PCDHGA1: variants seen among roughly 807,000 people sequenced by gnomAD.
The protein encoded by PCDHGA1 is protocadherin gamma subfamily A, 1.
In PCDHGA1, 32 loss-of-function variants were observed where a neutral mutation model predicts 58.0. The ratio of observed to expected loss-of-function variants is 0.55; its 90% CI spans 0.42 to 0.74. The LOEUF (loss-of-function observed/expected upper bound fraction) is 0.74. PCDHGA1 is among the 30% of genes least tolerant of loss of function. The probability of loss-of-function intolerance (pLI) is 0.00; values close to 1 mark genes in which losing one functional copy is unlikely to be tolerated. For missense variants in PCDHGA1, 1,205 were observed against 1,182.3 expected, an observed-to-expected ratio of 1.02 and a Z score of -0.28; for synonymous variants, 498 against 501.1, an observed-to-expected ratio of 0.99 and a Z score of 0.08.
intron 1 of PCDHGA1, among the ~76,000 whole-genome samples, chr5:141,436,243 TA>T (rs1428637183): frequency 6.6e-6 from 1 of 152,154 alleles, no homozygotes; most frequent in Non-Finnish European, 1.5e-5. Context: ...TAACATGGTC[TA>T]ATTATTCTGA....
chr5:141,508,725 G>C (rs1447443196), intron 3 of PCDHGA1, among the ~76,000 whole-genome samples: 1 of 151,788 alleles, frequency 6.6e-6, no homozygotes, highest in Non-Finnish European at 1.5e-5. Flanking sequence ...TGTGCAGGGA[G>C]ACTACACCCC....
chr5:141,418,988 G>A, intron 1 of PCDHGA1: 1 of 1,613,946 alleles, frequency 6.2e-7, no homozygotes, highest in Non-Finnish European at 8.5e-7. Context: ...CCAAGACTCA[G>A]GGGAAAATGG....
intron 1 of PCDHGA1, chr5:141,365,468 G>A: frequency 6.2e-7 from 1 of 1,613,972 alleles, no homozygotes; most frequent in Non-Finnish European, 8.5e-7. Flanking sequence ...TGGAGAAAAT[G>A]GTGAGATTGC....
intron 1 of PCDHGA1, among the ~76,000 whole-genome samples, chr5:141,347,445 A>C (rs1757967957): frequency 1.3e-5 from 2 of 152,042 alleles, no homozygotes; most frequent in Admixed American, 1.3e-4. Context: ...ATGAGCCACC[A>C]TGCCTGGCCT....
At chr5:141,403,655 A>T (rs1262068795) in intron 1 of PCDHGA1, 6 of 1,613,798 alleles carry the variant, frequency 3.7e-6, no homozygotes, top group Non-Finnish European at 4.2e-6. Context: ...AGTGTTGGAT[A>T]CAAATGATAA....
At chr5:141,388,569 C>T (rs368780854) in intron 1 of PCDHGA1, 7 of 1,613,862 alleles carry the variant, frequency 4.3e-6, no homozygotes, top group African/African-American at 1.3e-5. Context: ...TGCACAGATA[C>T]ACGTTCTAGT....
chr5:141,389,361 G>T (rs1460945767), intron 1 of PCDHGA1: 1 of 1,613,880 alleles, frequency 6.2e-7, no homozygotes, highest in South Asian at 1.1e-5. Context: ...CATGGCCAGT[G>T]ACCTGGAGCA....
intron 1 of PCDHGA1, chr5:141,433,123 C>G (rs575738328): frequency 3.7e-6 from 6 of 1,614,116 alleles, no homozygotes; most frequent in Non-Finnish European, 5.1e-6. Context: ...TTGAAAAAAG[C>G]GAGCCCCTTT....
intron 1 of PCDHGA1, chr5:141,414,538 A>C: frequency 1.2e-6 from 2 of 1,613,882 alleles, no homozygotes; most frequent in Non-Finnish European, 1.7e-6. Flanking sequence ...CAACCCACCT[A>C]CCTTCTCTCA....
chr5:141,382,594 A>C, intron 1 of PCDHGA1: 1 of 249,844 alleles, frequency 4.0e-6, no homozygotes, highest in Non-Finnish European at 7.6e-6. Context: ...GAAAGATGAA[A>C]CAATTTTCTA....
chr5:141,437,217 T>G (rs2097868672), intron 1 of PCDHGA1, among the ~76,000 whole-genome samples: 1 of 152,230 alleles, frequency 6.6e-6, no homozygotes, highest in Admixed American at 6.5e-5. Flanking sequence ...TTATTCTGAT[T>G]CCAGTCATAA....
intron 1 of PCDHGA1, chr5:141,340,026 C>T (rs1013106413): frequency 4.3e-6 from 7 of 1,614,162 alleles, no homozygotes; most frequent in Non-Finnish European, 5.9e-6. Flanking sequence ...ATGACATCTG[C>T]TACTAGCTCA....
intron 1 of PCDHGA1, chr5:141,394,355 G>A: frequency 6.2e-7 from 1 of 1,614,182 alleles, no homozygotes; most frequent in Non-Finnish European, 8.5e-7. Context: ...CCGGTGTCCT[G>A]TATGCGCTGC....
Position 141,476,023 on chromosome 5 carries a change from G to A in PCDHGA1, c.2422-18784G>A. 1 of 1,415,690 alleles carries A rather than the reference G, an allele frequency of 7.1e-7. No homozygotes were observed. The highest frequency in any genetic ancestry group is 2.3e-5 in the Admixed American group (1 of 43,980). 87.7% of individuals were successfully genotyped at this position (1,415,690 alleles called of 1,614,324 possible). A position where few individuals can be genotyped will look rare whatever the true frequency, so the allele number is the denominator to read the frequency against. ...CATCCAGAAAGCCATGTCGGACTCG[G>A]CGCCCAGCGCCCAAGCGCTAACCCG... On this transcript the variant is annotated intron_variant, in intron 1 of 3. Coordinates refer to ENST00000517417, the MANE Select transcript of PCDHGA1 (RefSeq NM_018912.3). This position sits in a 1 kb window ranked among gnomAD's most constrained non-coding sequence, Gnocchi z 7.6.
At chr5:141,423,139 G>T (rs2096713828) in intron 1 of PCDHGA1, 4 of 1,613,498 alleles carry the variant, frequency 2.5e-6, no homozygotes, top group Non-Finnish European at 3.4e-6. Flanking sequence ...GGACAGAGAC[G>T]CGCTCAAGCA....
intron 1 of PCDHGA1, among the ~76,000 whole-genome samples, chr5:141,482,914 A>G (rs1023561837): frequency 6.6e-6 from 1 of 152,162 alleles, no homozygotes; most frequent in Non-Finnish European, 1.5e-5. Context: ...TCTATTAAAA[A>G]TACAAAAAAT....
intron 1 of PCDHGA1, among the ~76,000 whole-genome samples, chr5:141,359,823 CAT>C (rs1451386722): frequency 2.0e-5 from 3 of 152,068 alleles, no homozygotes; most frequent in African/African-American, 7.2e-5. Flanking sequence ...GAATATTTCA[CAT>C]ATTTTAAAAC....
At chr5:141,408,643 C>T (rs751905674) in intron 1 of PCDHGA1, 3 of 1,613,910 alleles carry the variant, frequency 1.9e-6, no homozygotes, top group Non-Finnish European at 1.7e-6. Context: ...AATCTGCATC[C>T]GCTGGTACAC....
chr5:141,409,766 C>G, intron 1 of PCDHGA1: 1 of 1,612,910 alleles, frequency 6.2e-7, no homozygotes, highest in Non-Finnish European at 8.5e-7. Context: ...CGCCTTTGAT[C>G]ACGAGCAGCT....
Sources: gnomAD v4.1 joint callset for allele counts (sites outside exome capture counted in the v4.1 genomes callset) on GRCh38, gnomAD v4.1.1 for gene constraint, Gnocchi (gnomAD v3.1) non-coding constraint, MANE v1.5 for transcripts, NCBI Gene and HGNC (gene_info 2026-07-23, HGNC 2026-07-21) for gene names.